Variants in UNC5D observed in about 807,000 individuals in gnomAD.
The protein encoded by UNC5D is netrin receptor UNC5D.
UNC5D carries 39 observed loss-of-function variants against 105.4 expected under a neutral mutation model. The ratio of observed to expected loss-of-function variants is 0.37; its 90% confidence interval spans 0.29 to 0.48. The LOEUF is 0.48. Among genes scored for constraint, UNC5D ranks in the 20% least tolerant of loss-of-function variants. The pLI, the probability that UNC5D is intolerant of heterozygous loss-of-function variation, is 0.98. For synonymous variants in UNC5D, 452 were observed against 450.4 expected, an observed-to-expected ratio of 1.00 and a Z score of -0.04; for missense variants, 991 against 1,202.4, an observed-to-expected ratio of 0.82 and a Z score of 2.60.
chr8:35,432,191 G>A (rs986759028), intron 1 of UNC5D, among the ~76,000 whole-genome samples: 2 of 151,920 alleles, frequency 1.3e-5, no homozygotes, highest in Admixed American at 6.6e-5. Flanking sequence ...CACTTACATC[G>A]TAATATTATC....
rs1433753309 is a variant in UNC5D, at chr8:35,252,331, C to T, written c.103+16444C>T. On this transcript the variant is annotated intron_variant, in intron 1 of 16. Transcript: ENST00000404895. ...CCACTATACTTAGAAGTAAAGTTAT[C>T]AACATCTTTCACTCCTCTACATATT... Among the ~76,000 whole-genome samples the T allele has an allele frequency of 2.6e-5, 4 of 152,096 alleles. No homozygotes were observed. In the South Asian group the frequency reaches 8.3e-4, roughly 32 times the overall value.
intron 1 of UNC5D, among the ~76,000 whole-genome samples, chr8:35,399,582 G>A (rs926166872): frequency 6.6e-6 from 1 of 152,040 alleles, no homozygotes; most frequent in Admixed American, 6.6e-5. Context: ...TCACAAATTT[G>A]CATGCATACA....
chr8:35,411,955 G>T (rs1054509128), intron 1 of UNC5D, among the ~76,000 whole-genome samples: 1 of 151,938 alleles, frequency 6.6e-6, no homozygotes, highest in Admixed American at 6.6e-5. Flanking sequence ...TCATGTCCTC[G>T]CCTGTCCCCG....
At chr8:35,581,198 C>T (rs562672384) in intron 3 of UNC5D, among the ~76,000 whole-genome samples, 82 of 152,242 alleles carry the variant, frequency 5.4e-4, no homozygotes, top group African/African-American at 2.0e-3. Flanking sequence ...CTTCTCTTCC[C>T]ACCTGTAAAT....
At chr8:35,731,517 C>A (rs1355177011) in intron 11 of UNC5D, among the ~76,000 whole-genome samples, 2 of 148,400 alleles carry the variant, frequency 1.3e-5, no homozygotes, top group Non-Finnish European at 1.5e-5. Flanking sequence ...TAGATGAGAT[C>A]ATGAACTCCT....
At chr8:35,645,163 T>G (rs1330376524) in intron 4 of UNC5D, among the ~76,000 whole-genome samples, 1 of 152,272 alleles carries the variant, frequency 6.6e-6, no homozygotes, top group East Asian at 1.9e-4. Context: ...TGCACTGGTC[T>G]GATTTAGCTG....
At chr8:35,389,067 A>C (rs930549250) in intron 1 of UNC5D, among the ~76,000 whole-genome samples, 3 of 152,192 alleles carry the variant, frequency 2.0e-5, no homozygotes, top group African/African-American at 7.2e-5. Flanking sequence ...TTGTGTATAT[A>C]GTTATTTCTT....
chr8:35,600,577 T>G (rs1031197757), intron 4 of UNC5D, among the ~76,000 whole-genome samples: 4 of 152,206 alleles, frequency 2.6e-5, no homozygotes, highest in East Asian at 3.8e-4. Flanking sequence ...TCGTGTGTCT[T>G]TTGGCTGCAT....
chr8:35,603,990 T>C (rs1428749373), intron 4 of UNC5D, among the ~76,000 whole-genome samples: 5 of 152,240 alleles, frequency 3.3e-5, no homozygotes, highest in Non-Finnish European at 7.3e-5. Flanking sequence ...GTCTTGACTC[T>C]TTATCCAGAT....
At chr8:35,494,931 A>T (rs1168043760) in intron 1 of UNC5D, among the ~76,000 whole-genome samples, 1 of 152,064 alleles carries the variant, frequency 6.6e-6, no homozygotes, top group African/African-American at 2.4e-5. Flanking sequence ...TCTGGCATTT[A>T]TTCTAGCCTA....
chr8:35,657,511 G>A (rs962490756), intron 4 of UNC5D, among the ~76,000 whole-genome samples: 3 of 151,662 alleles, frequency 2.0e-5, no homozygotes, highest in Admixed American at 6.6e-5. Context: ...TAGAGGTAAG[G>A]TCTTGCTCTG....
intron 7 of UNC5D, among the ~76,000 whole-genome samples, chr8:35,701,765 C>A (rs1328299020): frequency 3.3e-5 from 5 of 151,742 alleles, no homozygotes; most frequent in African/African-American, 1.2e-4. Context: ...AATGATAAAT[C>A]ACTGGCAATT....
intron 16 of UNC5D, among the ~76,000 whole-genome samples, chr8:35,782,526 C>T (rs1443189643): frequency 2.9e-5 from 4 of 138,156 alleles, no homozygotes; most frequent in Admixed American, 2.2e-4. Context: ...TTTTTTGAGA[C>T]GGAGTCTCAC....
chr8:35,348,673 G>A (rs1362432590), intron 1 of UNC5D, among the ~76,000 whole-genome samples: 2 of 151,782 alleles, frequency 1.3e-5, no homozygotes, highest in East Asian at 1.9e-4. Context: ...AGTGGATACA[G>A]GAAAGAGGAA....
intron 1 of UNC5D, among the ~76,000 whole-genome samples, chr8:35,241,443 C>A (rs539356508): frequency 6.6e-6 from 1 of 152,164 alleles, no homozygotes; most frequent in East Asian, 1.9e-4. Context: ...CCACTCCCCC[C>A]ACACCACTTC....
intron 1 of UNC5D, among the ~76,000 whole-genome samples, chr8:35,363,750 A>G (rs1801967521): frequency 6.6e-6 from 1 of 152,044 alleles, no homozygotes; most frequent in South Asian, 2.1e-4. Context: ...TCCCTTTGTA[A>G]TTATCATATG....
At chr8:35,760,286 G>A (rs921011781) in intron 14 of UNC5D, among the ~76,000 whole-genome samples, 8 of 151,782 alleles carry the variant, frequency 5.3e-5, no homozygotes, top group African/African-American at 1.7e-4. Context: ...CAGGTGATCC[G>A]CCCACCTCAG....
At chr8:35,667,002 G>C (rs901221171) in intron 4 of UNC5D, among the ~76,000 whole-genome samples, 3 of 152,116 alleles carry the variant, frequency 2.0e-5, no homozygotes, top group African/African-American at 7.2e-5. Context: ...TAGCCTGCTA[G>C]CCATCTAGGA....
intron 1 of UNC5D, among the ~76,000 whole-genome samples, chr8:35,533,334 G>A (rs554033931): frequency 6.6e-6 from 1 of 152,014 alleles, no homozygotes; most frequent in South Asian, 2.1e-4. Context: ...CCCCTGCTGG[G>A]GGGTGCCTCC....
Sources: gnomAD v4.1 joint callset for allele counts (sites outside exome capture counted in the v4.1 genomes callset) on GRCh38, gnomAD v4.1.1 for gene constraint, MANE v1.5 for transcripts, NCBI Gene and HGNC (gene_info 2026-07-23, HGNC 2026-07-21) for gene names.